Variants in INVS observed in about 807,000 individuals in gnomAD.
The protein encoded by INVS is inversion of embryo turning homolog.
In INVS, 86 loss-of-function variants were observed where a neutral mutation model predicts 108.8. That is an observed-to-expected ratio of 0.79 (90% CI 0.66 to 0.95). INVS has a LOEUF of 0.95. Among genes scored for constraint, INVS ranks in the 40% least tolerant of loss-of-function variants. INVS has a pLI of 0.00. For missense variants in INVS, 1,169 were observed against 1,297.4 expected (o/e 0.90, Z 1.52); for synonymous variants, 455 against 473.5 (o/e 0.96, Z 0.51).
At chr9:100,161,738 G>A (rs1829197232) in intron 3 of INVS, among the ~76,000 whole-genome samples, 1 of 152,090 alleles carries the variant, frequency 6.6e-6, no homozygotes, top group Admixed American at 6.6e-5. Flanking sequence ...TACATTATCT[G>A]GTCAGGCTTC....
intron 10 of INVS, 114 bp from the exon 11 acceptor site, chr9:100,264,708 G>T: frequency 2.7e-6 from 2 of 742,440 alleles, no homozygotes; most frequent in Non-Finnish European, 2.4e-6. Context: ...TTCCCTTTTT[G>T]TAAATAAGCA....
chr9:100,183,919 TG>T (rs1300489964), intron 3 of INVS, among the ~76,000 whole-genome samples: 1 of 151,822 alleles, frequency 6.6e-6, no homozygotes, highest in Non-Finnish European at 1.5e-5. Flanking sequence ...AAAACTATTA[TG>T]GAATTTATAG....
At chr9:100,145,089 T>C (rs1166781960) in intron 3 of INVS, among the ~76,000 whole-genome samples, 2 of 152,008 alleles carry the variant, frequency 1.3e-5, no homozygotes, top group Non-Finnish European at 2.9e-5. Flanking sequence ...ATAAGTTGTT[T>C]AGGTTTTAGG....
chr9:100,100,692 A>ATATGTATATATTATATATAT (rs1826840908), intron 1 of INVS, among the ~76,000 whole-genome samples: 12 of 1,638 alleles, frequency 7.3e-3, no homozygotes, highest in African/African-American at 0.021. Flanking sequence ...TATATATATT[A>ATATGTATATATTATATATAT]TATATGTACA....
intron 10 of INVS, among the ~76,000 whole-genome samples, chr9:100,253,434 C>A (rs1459888370): frequency 6.7e-6 from 1 of 150,112 alleles, no homozygotes; most frequent in Non-Finnish European, 1.5e-5. Context: ...TTTAATTATA[C>A]TTTAAGTTCT....
At chr9:100,286,316 G>A (rs777270764) in intron 13 of INVS, among the ~76,000 whole-genome samples, 4 of 152,168 alleles carry the variant, frequency 2.6e-5, no homozygotes, top group Admixed American at 6.5e-5. Context: ...CACTTTGGGA[G>A]GCTGGGGCAG....
At chr9:100,209,762 T>A (rs1588090424) in intron 3 of INVS, among the ~76,000 whole-genome samples, 1 of 84,630 alleles carries the variant, frequency 1.2e-5, no homozygotes, top group African/African-American at 5.3e-5. Flanking sequence ...AGAACGAGAC[T>A]CCGTCTCAAA....
intron 3 of INVS, among the ~76,000 whole-genome samples, chr9:100,218,661 A>G (rs2118354525): frequency 6.6e-6 from 1 of 152,294 alleles, no homozygotes; most frequent in South Asian, 2.1e-4. Flanking sequence ...CTTCCTTTTC[A>G]CTGATTGAAA....
intron 3 of INVS, among the ~76,000 whole-genome samples, chr9:100,161,850 A>G (rs1008859326): frequency 6.6e-6 from 1 of 152,226 alleles, no homozygotes; most frequent in Non-Finnish European, 1.5e-5. Context: ...GAAGGAGAGC[A>G]TACCCTACAG....
intron 1 of INVS, among the ~76,000 whole-genome samples, chr9:100,100,909 ATATT>A (rs1263377175): frequency 1.7e-4 from 9 of 51,578 alleles, no homozygotes; most frequent in Admixed American, 9.8e-4. Context: ...ATATGTATAT[ATATT>A]ATATGTATAT....
At chr9:100,219,863 A>T (rs1056746853) in intron 3 of INVS, among the ~76,000 whole-genome samples, 7 of 150,312 alleles carry the variant, frequency 4.7e-5, no homozygotes, top group African/African-American at 1.5e-4. Context: ...CATGTAAAAC[A>T]ATACTATGTC....
chr9:100,260,460 G>A (rs191146658), intron 10 of INVS, among the ~76,000 whole-genome samples: 12 of 152,054 alleles, frequency 7.9e-5, no homozygotes, highest in Admixed American at 6.5e-4. Context: ...CAAAGTGCTG[G>A]GATTACAGGT....
At position 100,149,512 on chromosome 9, in the gene INVS, C is replaced by T. The variant is rs183734565; in HGVS notation, c.273+22963C>T. 3.7e-3 allele frequency among the ~76,000 whole-genome samples: 566 copies of T among 152,276 alleles called. 2 individuals carry two copies. The highest frequency in any genetic ancestry group is 5.4e-3 in the Non-Finnish European group (365 of 68,000). ...CCAACTTCTGGAGTTTTTAAACCAGCATTGTTTGTGTTCTTCCATATGTAG... is the reference window on the plus strand; with the variant it reads ...CCAACTTCTGGAGTTTTTAAACCAGTATTGTTTGTGTTCTTCCATATGTAG... On this transcript the variant is annotated intron_variant, in intron 3 of 16. Coordinates refer to ENST00000262457, the MANE Select transcript of INVS (RefSeq NM_014425.5).
chr9:100,210,355 G>A lies in INVS; in HGVS notation c.274-15707G>A, dbSNP rs74893592. Reference sequence around the variant, plus strand: ...TATGGGGACAAATTGATTGGAAGGAGTGGGAGTAAGATTTGAAGCTGTCTT... The same window carrying A: ...TATGGGGACAAATTGATTGGAAGGAATGGGAGTAAGATTTGAAGCTGTCTT... On this transcript the variant is annotated intron_variant, in intron 3 of 16. Transcript: ENST00000262457. Among the ~76,000 whole-genome samples, 889 of 152,308 alleles carry A rather than the reference G, an allele frequency of 5.8e-3. 9 individuals carry two copies. Among genetic ancestry groups the A allele is most frequent in the African/African-American group, 0.02 (836 of 41,560 alleles).
At chr9:100,226,018 C>A in intron 3 of INVS, 44 bp from the exon 4 acceptor site, 1 of 1,445,556 alleles carries the variant, frequency 6.9e-7, no homozygotes, top group Non-Finnish European at 9.5e-7. Flanking sequence ...AAATTTTGAC[C>A]CCATAGTACA....
At chr9:100,269,998 G>C (rs776058204) in intron 11 of INVS, among the ~76,000 whole-genome samples, 14 of 152,052 alleles carry the variant, frequency 9.2e-5, no homozygotes, top group Non-Finnish European at 1.3e-4. Flanking sequence ...AGTCTGCAAC[G>C]TATTACATTG....
At chr9:100,131,271 AT>A (rs914309257) in intron 3 of INVS, among the ~76,000 whole-genome samples, 2 of 152,172 alleles carry the variant, frequency 1.3e-5, no homozygotes, top group African/African-American at 4.8e-5. Context: ...ATAGAAAGTC[AT>A]TACTAATACA....
intron 2 of INVS, among the ~76,000 whole-genome samples, chr9:100,105,107 A>C (rs1354103067): frequency 2.0e-5 from 3 of 152,234 alleles, no homozygotes; most frequent in African/African-American, 4.8e-5. Flanking sequence ...AGAATAGCTA[A>C]GAATTTTCTA....
chr9:100,260,982 A>ATT (rs2118609443), intron 10 of INVS, among the ~76,000 whole-genome samples: 1 of 152,300 alleles, frequency 6.6e-6, no homozygotes, highest in South Asian at 2.1e-4. Context: ...TGCCAAACTG[A>ATT]TTTCTAAAAG....
Sources: gnomAD v4.1 joint callset for allele counts (sites outside exome capture counted in the v4.1 genomes callset) on GRCh38, gnomAD v4.1.1 for gene constraint, MANE v1.5 for transcripts, NCBI Gene and HGNC (gene_info 2026-07-23, HGNC 2026-07-21) for gene names.